DIP2A: variants seen among roughly 807,000 people sequenced by gnomAD.
DIP2A encodes the protein DIP2 acetate--CoA ligase A, also known as disco-interacting protein 2 homolog A.
In DIP2A, 85 loss-of-function variants were observed where a neutral mutation model predicts 177.4. That is an observed-to-expected ratio of 0.48 (90% CI 0.40 to 0.57). DIP2A has a LOEUF of 0.57. Among genes scored for constraint, DIP2A ranks in the 20% least tolerant of loss-of-function variants. The probability of loss-of-function intolerance (pLI) is 0.00; values close to 1 mark genes in which losing one functional copy is unlikely to be tolerated. For missense variants in DIP2A, 1,791 were observed against 2,100.2 expected (o/e 0.85, Z 2.88); for synonymous variants, 886 against 881.8 (o/e 1.00, Z -0.08).
Position 46,511,458 on chromosome 21 carries a change from G to A in DIP2A, c.946G>A (p.Glu316Lys), listed in dbSNP as rs1456031785. Residue 316 changes from glutamate to lysine, a missense_variant, in exon 8 of 38, where the codon GAG becomes AAG. Glu to Lys is a moderately conservative substitution (Grantham distance 56, BLOSUM62 1). Transcript: ENST00000417564. ...DPNQPKPEGS[E>K]TSVLRGEPLT... ...AAATCAGCCAAAGCCTGAGGGAAGC[G>A]AGACGAGTGTGCTGAGAGGGGAGCC... is the stretch of plus-strand genomic sequence containing the variant. 5.6e-6 allele frequency: 9 copies of A among 1,612,810 alleles called. No homozygotes were observed. The Admixed American group carries it at 6.7e-5, about 12-fold the overall frequency.
chr21:46,539,868 T>C lies in DIP2A; in HGVS notation c.1922-9T>C, dbSNP rs753844449. On this transcript the variant is annotated splice_polypyrimidine_tract_variant and intron_variant, in intron 16 of 37. Coordinates refer to ENST00000417564, the MANE Select transcript of DIP2A (RefSeq NM_015151.4). Reference sequence around the variant, plus strand: ...AGTGCTGGCGTTCCACTCTTGTTGCTCTGTGCAGGGTCGATCTCCTCCTGT... The same window carrying C: ...AGTGCTGGCGTTCCACTCTTGTTGCCCTGTGCAGGGTCGATCTCCTCCTGT... The C allele has an allele frequency of 6.2e-7, 1 of 1,611,196 alleles. No individual in the cohort carries two copies. The highest frequency in any genetic ancestry group is 1.7e-5 in the Admixed American group (1 of 59,992).
At chr21:46,554,444 C>G in intron 26 of DIP2A, 131 bp from the exon 27 acceptor site, 1 of 1,539,534 alleles carries the variant, frequency 6.5e-7, no homozygotes, top group South Asian at 1.2e-5. Context: ...CTCAGCTACC[C>G]CTGTGGAAAC....
chr21:46,470,376 A>G (rs1485920615), intron 1 of DIP2A, among the ~76,000 whole-genome samples: 1 of 151,946 alleles, frequency 6.6e-6, no homozygotes, highest in East Asian at 1.9e-4. Flanking sequence ...CGGAACGCTG[A>G]GGCGGGAGAA....
chr21:46,570,234 G>A (rs1403060658), downstream of DIP2A, among the ~76,000 whole-genome samples: 1 of 152,128 alleles, frequency 6.6e-6, no homozygotes, highest in Admixed American at 6.6e-5. Context: ...TGAAGCTTTG[G>A]GTACCTGCTG....
At chr21:46,493,590 G>A (rs2057144610) in intron 3 of DIP2A, among the ~76,000 whole-genome samples, 1 of 151,860 alleles carries the variant, frequency 6.6e-6, no homozygotes, top group African/African-American at 2.4e-5. Flanking sequence ...TTGCTTTTTT[G>A]TGCCTGGTGT....
intron 32 of DIP2A, 69 bp downstream of exon 32, chr21:46,558,462 G>T: frequency 6.7e-7 from 1 of 1,487,922 alleles, no homozygotes. Context: ...TTTCCCAGTT[G>T]TTAATGTGCC....
intron 25 of DIP2A, chr21:46,553,807 A>G (rs2060356604): frequency 5.6e-6 from 1 of 177,424 alleles, no homozygotes; most frequent in Non-Finnish European, 1.2e-5. Flanking sequence ...CTGGGACCAC[A>G]CAGGAGATAC....
At chr21:46,536,787 C>G (rs1388866460) in intron 13 of DIP2A, among the ~76,000 whole-genome samples, 1 of 151,972 alleles carries the variant, frequency 6.6e-6, no homozygotes, top group Non-Finnish European at 1.5e-5. Flanking sequence ...GCCTGTAGTC[C>G]CAGCTACTCG....
chr21:46,525,315 G>A (rs1267541668), intron 8 of DIP2A, among the ~76,000 whole-genome samples: 2 of 152,190 alleles, frequency 1.3e-5, no homozygotes, highest in Non-Finnish European at 2.9e-5. Flanking sequence ...CCTGGAATGT[G>A]TTTTTGTGAA....
In DIP2A at chr21:46,549,844, T is replaced by C. The variant is rs1322987994; in HGVS notation, c.2596T>C (p.Ser866Pro). ...GGTGGCTGAGCAGCGGCCGGATGCC[T>C]CGGAGGAGGACAGCTTCCAGTGGAT... ...VLVAEQRPDASEEDSFQWMSR... is the reference protein window; with the variant it reads ...VLVAEQRPDAPEEDSFQWMSR... The change falls in exon 22 of 38, where the codon TCG becomes CCG. Residue 866 changes from serine to proline, a missense_variant. Transcript: ENST00000417564. 6.2e-7 allele frequency: 1 copy of C among 1,613,038 alleles called. No homozygotes were observed. Among genetic ancestry groups the C allele is most frequent in the South Asian group, 1.1e-5 (1 of 91,080 alleles).
rs2060752730 is a variant in DIP2A at position 46,563,911 on chromosome 21, G to A, written c.4143G>A (p.Leu1381=). The change falls in exon 35 of 38, where the codon TTG becomes TTA. Residue 1381 remains leucine, a synonymous_variant. Coordinates refer to ENST00000417564, the MANE Select transcript of DIP2A (RefSeq NM_015151.4). The surrounding 1 kb of genome is among the most constrained non-coding windows in gnomAD (Gnocchi z 4.3). ...CACACACCGAGACCAAAGGACCCTT[G>A]GGAGACTCACACCTGGGAGAGGTGA... The part of the protein sequence containing the change: ...IIAHTETKGP[L]GDSHLGEIWV... The A allele has an allele frequency of 6.2e-7, 1 of 1,613,438 alleles. No individual in the cohort carries two copies. The highest frequency in any genetic ancestry group is 8.5e-7 in the Non-Finnish European group (1 of 1,179,812).
Position 46,511,572 on chromosome 21 carries a change from G to T in DIP2A, c.1060G>T (p.Ala354Ser). 6.3e-7 allele frequency: 1 copy of T among 1,578,700 alleles called. No individual in the cohort carries two copies. The highest frequency in any genetic ancestry group is 2.3e-5 in the East Asian group (1 of 44,122). The change falls in exon 8 of 38, where the codon GCC becomes TCC. Residue 354 changes from alanine (A) to serine (S), a missense_variant. Coordinates refer to ENST00000417564, the MANE Select transcript of DIP2A (RefSeq NM_015151.4). ...ACAGCCCAAATCCCCCTGTCTGACT[G>T]CCTTGGATACAACTGGGAAAGCCGT... is the stretch of plus-strand genomic sequence containing the variant. ...TTQPKSPCLT[A>S]LDTTGKAVYT...
rs78234859 is a variant in DIP2A, at chr21:46,473,221, C to A, written c.92-11536C>A. 5.8e-3 allele frequency among the ~76,000 whole-genome samples: 879 copies of A among 152,098 alleles called. 22 individuals are homozygous for A. The East Asian group carries it at 0.079, about 14-fold the overall frequency. ...CTCAGTGAATCTTGTAAACAGATGT[C>A]AATTTCCTATTTTTAATTAAAGGCT... On this transcript the variant is annotated intron_variant, in intron 1 of 37. Transcript: ENST00000417564.
At chr21:46,506,568 A>G (rs932885727) in intron 6 of DIP2A, among the ~76,000 whole-genome samples, 1 of 152,182 alleles carries the variant, frequency 6.6e-6, no homozygotes, top group Admixed American at 6.5e-5. Context: ...CCCAATAGGC[A>G]TGTAGAGATA....
intron 7 of DIP2A, 79 bp downstream of exon 7, chr21:46,509,455 T>C (rs1261568457): frequency 1.6e-5 from 24 of 1,514,092 alleles, no homozygotes; most frequent in Non-Finnish European, 3.5e-6. Flanking sequence ...GGCAAATGTA[T>C]ATTATACATG....
intron 27 of DIP2A, 53 bp from the exon 28 acceptor site, chr21:46,554,769 T>C (rs1167100421): frequency 2.6e-6 from 4 of 1,544,208 alleles, no homozygotes; most frequent in Non-Finnish European, 3.5e-6. Context: ...TGCCCCCTTT[T>C]CTGGGCAGCT....
chr21:46,550,119 A>G, intron 22 of DIP2A: 3 of 1,150,816 alleles, frequency 2.6e-6, no homozygotes, highest in Non-Finnish European at 3.5e-6. Flanking sequence ...CATCACCTCA[A>G]TATTTATTTT....
chr21:46,527,140 T>G (rs769559232), intron 8 of DIP2A, among the ~76,000 whole-genome samples: 9 of 152,218 alleles, frequency 5.9e-5, no homozygotes, highest in Admixed American at 1.3e-4. Context: ...CTTTATTTTG[T>G]TAATGTGGCA....
At chr21:46,561,655 C>CA (rs1555915582) in intron 33 of DIP2A, 93 bp from the exon 34 acceptor site, 1 of 1,481,738 alleles carries the variant, frequency 6.7e-7, no homozygotes, top group East Asian at 2.3e-5. Context: ...AACAGACCCT[C>CA]AGAGTGATCA....
Sources: gnomAD v4.1 joint callset for allele counts (sites outside exome capture counted in the v4.1 genomes callset) on GRCh38, gnomAD v4.1.1 for gene constraint, Gnocchi (gnomAD v3.1) non-coding constraint, MANE v1.5 for transcripts, NCBI Gene and HGNC (gene_info 2026-07-23, HGNC 2026-07-21) for gene names.